ATP5ME: variants seen among roughly 807,000 people sequenced by gnomAD.
The protein encoded by ATP5ME is ATP synthase membrane subunit e.
Under a neutral mutation model 11.6 loss-of-function variants are expected in ATP5ME, and 10 were observed. The observed-to-expected ratio is 0.86, with a 90% CI of 0.53 to 1.46. The LOEUF (loss-of-function observed/expected upper bound fraction) is 1.46. Ranked by LOEUF, ATP5ME falls within the 40% of genes most tolerant of loss-of-function variation. The pLI is 0.00. For missense variants in ATP5ME, 115 were observed against 85.4 expected, an observed-to-expected ratio of 1.35 and a Z score of -1.37; for synonymous variants, 45 against 33.5, an observed-to-expected ratio of 1.34 and a Z score of -1.19.
chr4:672,673 C>T (rs35621318), intron 3 of ATP5ME, among the ~76,000 whole-genome samples, 154 bp from the exon 4 acceptor site: 3,287 of 150,958 alleles, frequency 0.022, 35 homozygotes, highest in Middle Eastern at 0.034. Flanking sequence ...CTCACTGCAA[C>T]CTCTGCATCC....
At position 673,339 on chromosome 4, in the gene ATP5ME, C is replaced by A. The variant is rs1454490399; in HGVS notation, c.154G>T (p.Asp52Tyr). Residue 52 changes from aspartate (D) to tyrosine (Y), a missense_variant, in exon 3 of 4, where the codon GAT (aspartate) becomes TAT (tyrosine). Coordinates refer to ENST00000304312, the MANE Select transcript of ATP5ME (RefSeq NM_007100.4). ...RIAAEEKKKQ[D>Y]ELKRIARELA... The stretch of plus-strand genomic sequence containing the variant: ...TCTCTGGCAATCCGTTTCAGTTCAT[C>A]CTGCTTCTTCTTCTCTTCTGCTGCT... 7.4e-6 allele frequency: 12 copies of A among 1,614,104 alleles called. No homozygotes were observed. The African/African-American group carries it at 1.2e-4, about 16-fold the overall frequency.
At chr4:673,028 A>G (rs951330645) in intron 3 of ATP5ME, among the ~76,000 whole-genome samples, 2 of 145,630 alleles carry the variant, frequency 1.4e-5, no homozygotes, top group Admixed American at 6.8e-5. Flanking sequence ...GATTACAGGC[A>G]TGAGCCACCG....
chr4:672,891 G>A (rs968223403), intron 3 of ATP5ME, among the ~76,000 whole-genome samples: 4 of 152,226 alleles, frequency 2.6e-5, no homozygotes, highest in African/African-American at 7.2e-5. Flanking sequence ...GGGATTACAG[G>A]TGCCTGCCAC....
At position 672,537 on chromosome 4, in the gene ATP5ME, G is replaced by T. The variant is rs1419950736; in HGVS notation, c.191-18C>A. On this transcript the variant is annotated intron_variant, in intron 3 of 3. Coordinates refer to ENST00000304312, the MANE Select transcript of ATP5ME (RefSeq NM_007100.4). Reference sequence around the variant, plus strand: ...GCTGTCATCTTGGGCCGGAAGGTTAGAAGAAAAGCACATGTTACCACTCAG... The same window carrying T: ...GCTGTCATCTTGGGCCGGAAGGTTATAAGAAAAGCACATGTTACCACTCAG... 3 of 1,612,546 alleles carry T rather than the reference G, an allele frequency of 1.9e-6. No individual in the cohort carries two copies. Among genetic ancestry groups the T allele is most frequent in the Non-Finnish European group, 2.5e-6 (3 of 1,179,458 alleles).
intron 1 of ATP5ME, 41 bp downstream of exon 1, chr4:674,171 G>A (rs369138207): frequency 6.9e-5 from 110 of 1,602,180 alleles, no homozygotes; most frequent in East Asian, 2.0e-4. Flanking sequence ...GGACACGGGG[G>A]GGCCCAGAGC....
At chr4:673,873 C>T in intron 2 of ATP5ME, 39 bp downstream of exon 2, 4 of 1,544,124 alleles carry the variant, frequency 2.6e-6, no homozygotes, top group South Asian at 2.4e-5. Context: ...ACAGGAAAGC[C>T]GAGCAGACCC....
intron 2 of ATP5ME, 156 bp from the exon 3 acceptor site, chr4:673,557 C>G: frequency 7.5e-7 from 1 of 1,334,490 alleles, no homozygotes; most frequent in Non-Finnish European, 1.0e-6. Context: ...GACCTTCACC[C>G]TGACGAGTCC....
In ATP5ME at chr4:672,585, G is replaced by A. The variant is rs149505493; in HGVS notation, c.191-66C>T. 1.6e-4 allele frequency: 226 copies of A among 1,455,762 alleles called. 2 individuals carry two copies. The East Asian group carries it at 4.7e-3, about 31-fold the overall frequency. The allele number at this position is 1,455,762 out of a possible 1,614,324, so 90.2% of individuals were successfully genotyped here. A position where few individuals can be genotyped will look rare whatever the true frequency, so the allele number is the denominator to read the frequency against. On this transcript the variant is annotated intron_variant, in intron 3 of 3. Coordinates refer to ENST00000304312, the MANE Select transcript of ATP5ME (RefSeq NM_007100.4). ...CAGGCAACCTAAAAAGACCACTTCA[G>A]CTTCCCAGTTATTTTTTTTTTTTTT...
intron 3 of ATP5ME, 53 bp downstream of exon 3, chr4:673,250 A>C: frequency 6.2e-7 from 1 of 1,613,252 alleles, no homozygotes; most frequent in South Asian, 1.1e-5. Context: ...CATTTTCCTT[A>C]TCCCTGCACA....
At chr4:673,240 C>T (rs1738607073) in intron 3 of ATP5ME, 63 bp downstream of exon 3, 2 of 1,612,380 alleles carry the variant, frequency 1.2e-6, no homozygotes, top group Non-Finnish European at 1.7e-6. Context: ...TGTCCTCCTC[C>T]ATTTTCCTTA....
intron 2 of ATP5ME, chr4:673,602 G>T (rs1738636396): frequency 1.1e-6 from 1 of 916,928 alleles, no homozygotes; most frequent in Non-Finnish European, 1.6e-6. Context: ...CTGCCCACCC[G>T]CTCACGCACT....
intron 2 of ATP5ME, 141 bp from the exon 3 acceptor site, chr4:673,542 C>T: frequency 7.0e-7 from 1 of 1,431,474 alleles, no homozygotes; most frequent in Non-Finnish European, 9.4e-7. Context: ...TGCGAGTCAA[C>T]GCCTGACCTT....
chr4:673,480 T>G, intron 2 of ATP5ME, 79 bp from the exon 3 acceptor site: 1 of 1,605,464 alleles, frequency 6.2e-7, no homozygotes, highest in South Asian at 1.1e-5. Flanking sequence ...TCAAGGTATC[T>G]TCAGCGACGC....
chr4:672,597 T>A (rs1046904127), intron 3 of ATP5ME, 78 bp from the exon 4 acceptor site: 19 of 115,582 alleles, frequency 1.6e-4, no homozygotes, highest in Non-Finnish European at 3.1e-4. Context: ...TTCCCAGTTA[T>A]TTTTTTTTTT....
intron 3 of ATP5ME, among the ~76,000 whole-genome samples, chr4:672,761 T>A (rs537182538): frequency 3.4e-4 from 52 of 152,304 alleles, no homozygotes; most frequent in African/African-American, 1.2e-3. Context: ...CTGGCTAATT[T>A]TTTTTAGACA....
intron 3 of ATP5ME, 77 bp from the exon 4 acceptor site, chr4:672,596 ATTTTTTTT>A (rs367766081): frequency 7.0e-4 from 791 of 1,132,830 alleles, no homozygotes; most frequent in Middle Eastern, 1.2e-3. Flanking sequence ...CTTCCCAGTT[ATTTTTTTT>A]TTTTTTTTTT....
Position 673,977 on chromosome 4 carries a change from G to A in ATP5ME, c.37-11C>T, listed in dbSNP as rs1003283993. The A allele has an allele frequency of 3.2e-6, 5 of 1,544,488 alleles. No homozygotes were observed. The highest frequency in any genetic ancestry group is 2.7e-5 in the African/African-American group (2 of 73,084). On this transcript the variant is annotated splice_polypyrimidine_tract_variant and intron_variant, in intron 1 of 3. Coordinates refer to ENST00000304312, the MANE Select transcript of ATP5ME (RefSeq NM_007100.4). The stretch of plus-strand genomic sequence containing the variant: ...GGAGTAGCGGCCGAGCTGCGAAAGA[G>A]GTTGGTCAGAGGCGGCGCGAAACGG...
chr4:672,767 A>G (rs761235111), intron 3 of ATP5ME, among the ~76,000 whole-genome samples: 3 of 151,992 alleles, frequency 2.0e-5, no homozygotes, highest in African/African-American at 7.3e-5. Flanking sequence ...AATTTTTTTT[A>G]GACAGAATTT....
chr4:673,225 T>C (rs1738606560), intron 3 of ATP5ME, 78 bp downstream of exon 3: 4 of 1,607,950 alleles, frequency 2.5e-6, no homozygotes, highest in Non-Finnish European at 3.4e-6. Flanking sequence ...TTAGCTCTGC[T>C]TAAATGTCCT....
Sources: gnomAD v4.1 joint callset for allele counts (sites outside exome capture counted in the v4.1 genomes callset) on GRCh38, gnomAD v4.1.1 for gene constraint, MANE v1.5 for transcripts, NCBI Gene and HGNC (gene_info 2026-07-23, HGNC 2026-07-21) for gene names.